Variants in RORA observed in about 807,000 individuals in gnomAD.
RORA encodes RAR related orphan receptor A.
A neutral mutation model predicts 69.5 loss-of-function variants in RORA; 7 were observed. The ratio of observed to expected loss-of-function variants is 0.10; its 90% confidence interval spans 0.06 to 0.19. RORA has a LOEUF of 0.19. Among genes scored for constraint, RORA ranks in the 10% least tolerant of loss-of-function variants. RORA has a pLI of 1.00. For synonymous variants in RORA, 261 were observed against 240.8 expected (o/e 1.08, Z -0.78); for missense variants, 457 against 663.0 (o/e 0.69, Z 3.41).
At chr15:61,227,395 T>TC (rs1596086904) in intron 1 of RORA, among the ~76,000 whole-genome samples, 1 of 151,308 alleles carries the variant, frequency 6.6e-6, no homozygotes. Flanking sequence ...CCCCCAGCCC[T>TC]CATCCCCTTC....
intron 1 of RORA, among the ~76,000 whole-genome samples, chr15:61,129,573 CT>C (rs1170465006): frequency 1.3e-5 from 2 of 152,070 alleles, no homozygotes; most frequent in Non-Finnish European, 2.9e-5. Context: ...TGCCTGGTAC[CT>C]TTTTAAATGG....
At chr15:60,696,980 A>G (rs979526614) in intron 1 of RORA, among the ~76,000 whole-genome samples, 1 of 152,180 alleles carries the variant, frequency 6.6e-6, no homozygotes, top group Non-Finnish European at 1.5e-5. Context: ...TGCTCATTAA[A>G]CTGATATAAT....
intron 2 of RORA, among the ~76,000 whole-genome samples, chr15:60,595,994 G>T (rs1263365323): frequency 6.6e-6 from 1 of 152,212 alleles, no homozygotes; most frequent in Non-Finnish European, 1.5e-5. Flanking sequence ...TAGGGGAAAA[G>T]ATGGGTGCAT....
At chr15:60,621,347 C>T (rs2069402224) in intron 2 of RORA, among the ~76,000 whole-genome samples, 1 of 152,138 alleles carries the variant, frequency 6.6e-6, no homozygotes, top group Admixed American at 6.5e-5. Flanking sequence ...GCCCTGGAAA[C>T]CCAGAGAAGC....
In RORA at chr15:60,537,056, A is replaced by C. The variant is rs1567068608; in HGVS notation, c.197-5205T>G. 6.6e-6 allele frequency among the ~76,000 whole-genome samples: 1 copy of C among 152,240 alleles called. No homozygotes were observed. Among genetic ancestry groups the C allele is most frequent in the Non-Finnish European group, 1.5e-5 (1 of 68,040 alleles). ...TTCAGTAAAATGGCTTGAGTCCTTT[A>C]TGGATTAGTCACTTTATTTTATCCC... On this transcript the variant is annotated intron_variant, in intron 2 of 10. Transcript: ENST00000335670. The surrounding 1 kb of genome is among the most constrained non-coding windows in gnomAD (Gnocchi z 4.9).
At chr15:60,917,739 TAA>T (rs1430258462) in intron 1 of RORA, among the ~76,000 whole-genome samples, 1 of 152,252 alleles carries the variant, frequency 6.6e-6, no homozygotes, top group African/African-American at 2.4e-5. Context: ...TCTCAGGAGT[TAA>T]GTTTCTTTGC....
At chr15:60,879,283 T>C (rs2073653200) in intron 1 of RORA, among the ~76,000 whole-genome samples, 1 of 152,108 alleles carries the variant, frequency 6.6e-6, no homozygotes, top group African/African-American at 2.4e-5. Context: ...CAGGTGGCCT[T>C]GGAGAAGTTT....
Position 61,229,185 on chromosome 15 carries a change from C to A in RORA, c.34G>T (p.Ala12Ser). The change falls in exon 1 of 11, where the codon GCC becomes TCC. Residue 12 changes from alanine to serine, a missense_variant. Transcript: ENST00000335670. ...GCGCCGCTGCTGCCTGGCTCGCTGG[C>A]GGCGGGGTCGGGGGCTGCCGGAGCT... is the stretch of plus-strand genomic sequence containing the variant. ...ESAPAAPDPA[A>S]SEPGSSGADA... 2 of 1,554,242 alleles carry A rather than the reference C, an allele frequency of 1.3e-6. No homozygotes were observed. Among genetic ancestry groups the A allele is most frequent in the African/African-American group, 1.4e-5 (1 of 72,320 alleles).
intron 1 of RORA, among the ~76,000 whole-genome samples, chr15:61,071,782 A>T (rs2078369320): frequency 6.6e-6 from 1 of 151,898 alleles, no homozygotes; most frequent in Admixed American, 6.5e-5. Flanking sequence ...ACCAAAAGCA[A>T]CAAATTATTT....
rs369687497 is a variant in RORA at position 60,716,830 on chromosome 15, G to A, written c.167-38144C>T. Reference sequence around the variant, plus strand: ...AATATGTGGAGGTTCCTGGAGAATGGTGCCCCAGGGAGGGCATGGAAGCTC... The same window carrying A: ...AATATGTGGAGGTTCCTGGAGAATGATGCCCCAGGGAGGGCATGGAAGCTC... On this transcript the variant is annotated intron_variant, in intron 1 of 10. Transcript: ENST00000335670. Among the ~76,000 whole-genome samples, 30 of 152,324 alleles carry A rather than the reference G, an allele frequency of 2.0e-4. No homozygotes were observed. The East Asian group carries it at 2.7e-3, about 14-fold the overall frequency.
intron 3 of RORA, among the ~76,000 whole-genome samples, chr15:60,518,444 A>G (rs1332515842): frequency 6.6e-6 from 1 of 152,248 alleles, no homozygotes; most frequent in African/African-American, 2.4e-5. Flanking sequence ...TTGGATGCAG[A>G]CATCTTCGGG....
intron 1 of RORA, among the ~76,000 whole-genome samples, chr15:61,151,126 A>T (rs533337526): frequency 2.0e-5 from 3 of 152,296 alleles, no homozygotes; most frequent in African/African-American, 7.2e-5. Flanking sequence ...TGCCCAATGT[A>T]GCCTTAGATT....
chr15:60,840,813 C>A (rs2073187029), intron 1 of RORA, among the ~76,000 whole-genome samples: 1 of 152,202 alleles, frequency 6.6e-6, no homozygotes, highest in African/African-American at 2.4e-5. Context: ...GGCCCGGCAG[C>A]CTGACTGACA....
intron 1 of RORA, among the ~76,000 whole-genome samples, chr15:61,174,867 G>A (rs2079614308): frequency 6.6e-6 from 1 of 152,118 alleles, no homozygotes; most frequent in Non-Finnish European, 1.5e-5. Flanking sequence ...TCTCTAAGGT[G>A]GTATTACCAT....
intron 2 of RORA, among the ~76,000 whole-genome samples, chr15:60,571,951 CA>C (rs754816044): frequency 1.3e-5 from 2 of 152,118 alleles, no homozygotes; most frequent in African/African-American, 2.4e-5. Context: ...TTTATGTAAA[CA>C]GAATAATACC....
intron 1 of RORA, among the ~76,000 whole-genome samples, chr15:61,075,484 T>G (rs557833449): frequency 6.6e-6 from 1 of 152,306 alleles, no homozygotes; most frequent in East Asian, 1.9e-4. Flanking sequence ...CCCCCATTAG[T>G]CTGTGCTTCT....
At chr15:60,714,060 T>C (rs895499848) in intron 1 of RORA, among the ~76,000 whole-genome samples, 11 of 149,034 alleles carry the variant, frequency 7.4e-5, no homozygotes, top group East Asian at 1.9e-4. Flanking sequence ...CTCTCTCTCT[T>C]TTTTTTTTTT....
intron 1 of RORA, among the ~76,000 whole-genome samples, chr15:60,754,290 G>A (rs886565603): frequency 1.3e-5 from 2 of 152,140 alleles, no homozygotes; most frequent in African/African-American, 2.4e-5. Flanking sequence ...CTACCATGGA[G>A]GTTTCGTTGT....
At chr15:60,515,926 TTTA>T (rs1567050665) in intron 3 of RORA, among the ~76,000 whole-genome samples, 17 of 54,226 alleles carry the variant, frequency 3.1e-4, no homozygotes, top group African/African-American at 1.7e-3. Flanking sequence ...TATATATATA[TTTA>T]TATATATATT....
Sources: gnomAD v4.1 joint callset for allele counts (sites outside exome capture counted in the v4.1 genomes callset) on GRCh38, gnomAD v4.1.1 for gene constraint, Gnocchi (gnomAD v3.1) non-coding constraint, MANE v1.5 for transcripts, NCBI Gene and HGNC (gene_info 2026-07-23, HGNC 2026-07-21) for gene names.